Variants in DCAF4L1 observed in about 807,000 individuals in gnomAD.
DCAF4L1 encodes DDB1 and CUL4 associated factor 4 like 1.
DCAF4L1 carries 4 observed loss-of-function variants against 28.2 expected under a neutral mutation model. The observed-to-expected ratio is 0.14, with a 90% CI of 0.07 to 0.33. The LOEUF (loss-of-function observed/expected upper bound fraction) is 0.33. Ranked by LOEUF, DCAF4L1 falls within the 10% of genes least tolerant of loss-of-function variation. The pLI is 1.00. For missense variants in DCAF4L1, 331 were observed against 506.1 expected, an observed-to-expected ratio of 0.65 and a Z score of 3.32; for synonymous variants, 252 against 212.1, an observed-to-expected ratio of 1.19 and a Z score of -1.63.
chr4:41,983,369 C>A lies in DCAF4L1; in HGVS notation c.*386C>A, dbSNP rs569419339. 22 of 177,706 alleles carry A rather than the reference C, an allele frequency of 1.2e-4. No individual in the cohort carries two copies. The highest frequency in any genetic ancestry group is 1.7e-4 in the South Asian group (1 of 5,896). 11.0% of individuals were successfully genotyped at this position (177,706 alleles called of 1,614,324 possible). A position where few individuals can be genotyped will look rare whatever the true frequency, so the allele number is the denominator to read the frequency against. On this transcript the variant is annotated 3_prime_UTR_variant, in exon 1 of 1. Transcript: ENST00000333141. ...CCTTTAGAGAAGCATAATGATGGTA[C>A]TGGTAAGACTGTTTGACTAATCATA...
In DCAF4L1 at chr4:41,985,789, T is replaced by A. The variant is rs1331167313; in HGVS notation, c.*2806T>A. Reference sequence around the variant, plus strand: ...AAGATGCCAAACACAAAAGAGCACATATTGTACAACTAATGCACATAAAGT... The same window carrying A: ...AAGATGCCAAACACAAAAGAGCACAAATTGTACAACTAATGCACATAAAGT... On this transcript the variant is annotated 3_prime_UTR_variant, in exon 1 of 1. Transcript: ENST00000333141. 6.0e-6 allele frequency: 1 copy of A among 167,094 alleles called. No individual in the cohort carries two copies. Among genetic ancestry groups the A allele is most frequent in the Non-Finnish European group, 1.5e-5 (1 of 68,124 alleles). 10.4% of individuals were successfully genotyped at this position (167,094 alleles called of 1,614,324 possible). A position where few individuals can be genotyped will look rare whatever the true frequency, so the allele number is the denominator to read the frequency against.
chr4:41,982,478 C>T lies in DCAF4L1; in HGVS notation c.686C>T (p.Ala229Val). ...QSFDTSSDVL[A>V]QQFASTAPLL... ...TTTGATACCAGCAGTGATGTCTTGG[C>T]CCAGCAGTTTGCTAGTACGGCTCCT... is the stretch of plus-strand genomic sequence containing the variant. Residue 229 changes from alanine to valine, a missense_variant, in exon 1 of 1, where the codon GCC (alanine) becomes GTC (valine). Transcript: ENST00000333141. The surrounding 1 kb of genome is among the most constrained non-coding windows in gnomAD (Gnocchi z 4.4). 5 of 1,614,178 alleles carry T rather than the reference C, an allele frequency of 3.1e-6. No individual in the cohort carries two copies. Among genetic ancestry groups the T allele is most frequent in the Non-Finnish European group, 4.2e-6 (5 of 1,180,032 alleles).
rs1713999604 is a variant in DCAF4L1, at chr4:41,982,050, C to T, written c.258C>T (p.Leu86=). ...FILASTNSDQ[L]FVVNQVEVEG... Reference sequence around the variant, plus strand: ...TGGCGAGTACCAACAGCGACCAGCTCTTCGTAGTGAACCAGGTCGAAGTCG... The same window carrying T: ...TGGCGAGTACCAACAGCGACCAGCTTTTCGTAGTGAACCAGGTCGAAGTCG... The change falls in exon 1 of 1, where the codon CTC becomes CTT. Residue 86 remains leucine, a synonymous_variant. Transcript: ENST00000333141. This position sits in a 1 kb window ranked among gnomAD's most constrained non-coding sequence, Gnocchi z 4.4. 1 of 1,614,258 alleles carries T rather than the reference C, an allele frequency of 6.2e-7. No individual in the cohort carries two copies. Among genetic ancestry groups the T allele is most frequent in the Non-Finnish European group, 8.5e-7 (1 of 1,180,044 alleles).
rs370935678 is a variant in DCAF4L1 at position 41,982,887 on chromosome 4, C to T, written c.1095C>T (p.Ser365=). The T allele has an allele frequency of 3.1e-6, 5 of 1,614,096 alleles. No homozygotes were observed. In the African/African-American group the frequency reaches 6.7e-5, roughly 22 times the overall value. ...PYSASEDDIP[S]VAFASRLGGI... is the part of the protein sequence containing the mutation. Reference sequence around the variant, plus strand: ...CTGCCTCCGAGGACGACATTCCCAGCGTGGCCTTCGCTTCTCGGCTCGGGG... The same window carrying T: ...CTGCCTCCGAGGACGACATTCCCAGTGTGGCCTTCGCTTCTCGGCTCGGGG... Residue 365 remains serine, a synonymous_variant, in exon 1 of 1, where the codon AGC becomes AGT. Transcript: ENST00000333141. This position sits in a 1 kb window ranked among gnomAD's most constrained non-coding sequence, Gnocchi z 4.4.
Position 41,983,091 on chromosome 4 carries a change from GCATCCATCC to G in DCAF4L1, c.*109_*117del. 1.1e-6 allele frequency: 1 copy of G among 948,964 alleles called. No individual in the cohort carries two copies. Among genetic ancestry groups the G allele is most frequent in the East Asian group, 2.6e-5 (1 of 38,026 alleles). The allele number at this position is 948,964 out of a possible 1,614,324, so 58.8% of individuals were successfully genotyped here. A position where few individuals can be genotyped will look rare whatever the true frequency, so the allele number is the denominator to read the frequency against. On this transcript the variant is annotated 3_prime_UTR_variant, in exon 1 of 1. Coordinates refer to ENST00000333141, the MANE Select transcript of DCAF4L1 (RefSeq NM_001029955.4). ...TTAAGAGACGTGTTGTATATAGATC[GCATCCATCC>G]GGCTGCCAGGGGTAAGGTGTTAAGA...
At position 41,984,772 on chromosome 4, in the gene DCAF4L1, CAT is replaced by C. The variant is rs1329775783; in HGVS notation, c.*1791_*1792del. 1 of 166,898 alleles carries C rather than the reference CAT, an allele frequency of 6.0e-6. No individual in the cohort carries two copies. Among genetic ancestry groups the C allele is most frequent in the Non-Finnish European group, 1.5e-5 (1 of 68,098 alleles). The allele number at this position is 166,898 out of a possible 1,614,324, so 10.3% of individuals were successfully genotyped here. The stretch of plus-strand genomic sequence containing the variant: ...GATGGGATAGATGTGCTTTATATGA[CAT>C]AGATGAGGTTAATGTAATTACATAT... On this transcript the variant is annotated 3_prime_UTR_variant, in exon 1 of 1. Transcript: ENST00000333141.
At position 41,982,039 on chromosome 4, in the gene DCAF4L1, A is replaced by G; in HGVS notation, c.247A>G (p.Ser83Gly). Reference sequence around the variant, plus strand: ...TAACTTCATTCTGGCGAGTACCAACAGCGACCAGCTCTTCGTAGTGAACCA... The same window carrying G: ...TAACTTCATTCTGGCGAGTACCAACGGCGACCAGCTCTTCGTAGTGAACCA... ...RFNFILASTN[S>G]DQLFVVNQVE... The change falls in exon 1 of 1, where the codon AGC becomes GGC. Residue 83 changes from serine (S) to glycine (G), a missense_variant. Transcript: ENST00000333141. This position sits in a 1 kb window ranked among gnomAD's most constrained non-coding sequence, Gnocchi z 4.4. 2 of 1,614,234 alleles carry G rather than the reference A, an allele frequency of 1.2e-6. No individual in the cohort carries two copies. The highest frequency in any genetic ancestry group is 2.2e-5 in the South Asian group (2 of 91,090).
In DCAF4L1 at chr4:41,982,871, A is replaced by T. The variant is rs753351994; in HGVS notation, c.1079A>T (p.Glu360Val). The T allele has an allele frequency of 6.2e-7, 1 of 1,614,140 alleles. No homozygotes were observed. The highest frequency in any genetic ancestry group is 8.5e-7 in the Non-Finnish European group (1 of 1,180,030). The change falls in exon 1 of 1, where the codon GAG (glutamate) becomes GTG (valine). Residue 360 changes from glutamate (E) to valine (V), a missense_variant. By Grantham distance (121) the Glu-to-Val change is moderately radical. Coordinates refer to ENST00000333141, the MANE Select transcript of DCAF4L1 (RefSeq NM_001029955.4). The surrounding 1 kb of genome is among the most constrained non-coding windows in gnomAD (Gnocchi z 4.4). ...RTIPSPYSAS[E>V]DDIPSVAFAS... ...ATCCCTTCCCCGTACTCTGCCTCCG[A>T]GGACGACATTCCCAGCGTGGCCTTC...
chr4:41,982,656 A>T lies in DCAF4L1; in HGVS notation c.864A>T (p.Ser288=). 1 of 1,614,260 alleles carries T rather than the reference A, an allele frequency of 6.2e-7. No homozygotes were observed. Among genetic ancestry groups the T allele is most frequent in the South Asian group, 1.1e-5 (1 of 91,090 alleles). The change falls in exon 1 of 1, where the codon TCA becomes TCT. Residue 288 remains serine, a synonymous_variant. Transcript: ENST00000333141. This position sits in a 1 kb window ranked among gnomAD's most constrained non-coding sequence, Gnocchi z 4.4. ...ILQEEQCLMA[S]DMTGKIKLWD... ...AAGAAGAGCAATGCCTGATGGCATC[A>T]GACATGACTGGAAAGATCAAGCTGT...
rs1446697518 is a variant in DCAF4L1 at position 41,984,148 on chromosome 4, CT to C, written c.*1168del. 6.0e-6 allele frequency: 1 copy of C among 165,958 alleles called. No individual in the cohort carries two copies. The highest frequency in any genetic ancestry group is 1.5e-5 in the Non-Finnish European group (1 of 68,086). The allele number at this position is 165,958 out of a possible 1,614,324, so 10.3% of individuals were successfully genotyped here. On this transcript the variant is annotated 3_prime_UTR_variant, in exon 1 of 1. Transcript: ENST00000333141. ...ATGTTTGAGAAGTGACATGGGGAAG[CT>C]TTAGGAATGCTGAGTTTTCTTTATC...
At position 41,985,021 on chromosome 4, in the gene DCAF4L1, A is replaced by G. The variant is rs1714106810; in HGVS notation, c.*2038A>G. 1 of 167,084 alleles carries G rather than the reference A, an allele frequency of 6.0e-6. No homozygotes were observed. Among genetic ancestry groups the G allele is most frequent in the Admixed American group, 6.5e-5 (1 of 15,282 alleles). 10.4% of individuals were successfully genotyped at this position (167,084 alleles called of 1,614,324 possible). ...AGGATATGTATCTTGTCCCTTTTAC[A>G]TTGTAAGCATTCAAAATAAAACAAA... is the stretch of plus-strand genomic sequence containing the variant. On this transcript the variant is annotated 3_prime_UTR_variant, in exon 1 of 1. Transcript: ENST00000333141.
chr4:41,982,411 C>A lies in DCAF4L1; in HGVS notation c.619C>A (p.Gln207Lys), dbSNP rs956323615. The A allele has an allele frequency of 2.5e-6, 4 of 1,614,258 alleles. No individual in the cohort carries two copies. In the East Asian group the frequency reaches 8.9e-5, roughly 36 times the overall value. The change falls in exon 1 of 1, where the codon CAG becomes AAG. Residue 207 changes from glutamine (Q) to lysine (K), a missense_variant. Coordinates refer to ENST00000333141, the MANE Select transcript of DCAF4L1 (RefSeq NM_001029955.4). The surrounding 1 kb of genome is among the most constrained non-coding windows in gnomAD (Gnocchi z 4.4). ...CTGCTTTAGTGCAGGCTTGTCTCAG[C>A]AGGTCCTGTTGACCAGCGTGGCGAC... Reference protein sequence around the residue: ...YHCFSAGLSQQVLLTSVATGH... With the variant: ...YHCFSAGLSQKVLLTSVATGH...
Position 41,982,347 on chromosome 4 carries a change from C to T in DCAF4L1, c.555C>T (p.Ala185=). The part of the protein sequence containing the change: ...GMLCSFQIPE[A]WSCAWSLNTR... ...TCTGCAGTTTCCAGATCCCAGAGGC[C>T]TGGTCCTGTGCGTGGTCCCTCAACA... Residue 185 remains alanine, a synonymous_variant, in exon 1 of 1, where the codon GCC becomes GCT. Coordinates refer to ENST00000333141, the MANE Select transcript of DCAF4L1 (RefSeq NM_001029955.4). The surrounding 1 kb of genome is among the most constrained non-coding windows in gnomAD (Gnocchi z 4.4). 2 of 1,614,212 alleles carry T rather than the reference C, an allele frequency of 1.2e-6. No homozygotes were observed. The highest frequency in any genetic ancestry group is 2.2e-5 in the South Asian group (2 of 91,084).
Position 41,982,075 on chromosome 4 carries a change from G to A in DCAF4L1, c.283G>A (p.Glu95Lys), listed in dbSNP as rs368035048. The A allele has an allele frequency of 3.8e-5, 62 of 1,614,058 alleles. No individual in the cohort carries two copies. In the African/African-American group the frequency reaches 5.3e-4, roughly 14 times the overall value. ...CTTCGTAGTGAACCAGGTCGAAGTC[G>A]AAGGCTCCAAGTACGGCATCATCAG... ...QLFVVNQVEV[E>K]GSKYGIISLR... Residue 95 changes from glutamate (E) to lysine (K), a missense_variant, in exon 1 of 1, where the codon GAA (glutamate) becomes AAA (lysine). By Grantham distance (56) the Glu-to-Lys change is moderately conservative (BLOSUM62 1). Transcript: ENST00000333141. This position sits in a 1 kb window ranked among gnomAD's most constrained non-coding sequence, Gnocchi z 4.4.
At position 41,982,377 on chromosome 4, in the gene DCAF4L1, G is replaced by T; in HGVS notation, c.585G>T (p.Arg195=). The T allele has an allele frequency of 6.2e-7, 1 of 1,614,192 alleles. No individual in the cohort carries two copies. The highest frequency in any genetic ancestry group is 8.5e-7 in the Non-Finnish European group (1 of 1,180,038). The part of the protein sequence containing the change: ...AWSCAWSLNT[R]AYHCFSAGLS... The stretch of plus-strand genomic sequence containing the variant: ...CCTGTGCGTGGTCCCTCAACACCCG[G>T]GCATATCACTGCTTTAGTGCAGGCT... The change falls in exon 1 of 1, where the codon CGG becomes CGT. Residue 195 remains arginine, a synonymous_variant. Coordinates refer to ENST00000333141, the MANE Select transcript of DCAF4L1 (RefSeq NM_001029955.4). This position sits in a 1 kb window ranked among gnomAD's most constrained non-coding sequence, Gnocchi z 4.4.
rs200291372 is a variant in DCAF4L1, at chr4:41,982,725, C to T, written c.933C>T (p.His311=). ...ATKCVRQYEG[H]VNESAYLPLH... ...AATGTGTAAGGCAGTACGAAGGTCA[C>T]GTGAATGAGTCCGCCTATCTGCCCC... Residue 311 remains histidine, a synonymous_variant, in exon 1 of 1, where the codon CAC becomes CAT. Coordinates refer to ENST00000333141, the MANE Select transcript of DCAF4L1 (RefSeq NM_001029955.4). The surrounding 1 kb of genome is among the most constrained non-coding windows in gnomAD (Gnocchi z 4.4). 7 of 1,614,064 alleles carry T rather than the reference C, an allele frequency of 4.3e-6. No homozygotes were observed. Among genetic ancestry groups the T allele is most frequent in the Non-Finnish European group, 5.9e-6 (7 of 1,180,048 alleles).
Position 41,985,819 on chromosome 4 carries a change from A to C in DCAF4L1, c.*2836A>C, listed in dbSNP as rs1164572715. The stretch of plus-strand genomic sequence containing the variant: ...TACAACTAATGCACATAAAGTCCCT[A>C]AACAGGCAAAATGAATCTATGTTCT... On this transcript the variant is annotated 3_prime_UTR_variant, in exon 1 of 1. Transcript: ENST00000333141. The C allele has an allele frequency of 1.8e-5, 3 of 167,124 alleles. No homozygotes were observed. Among genetic ancestry groups the C allele is most frequent in the Admixed American group, 1.3e-4 (2 of 15,284 alleles). The allele number at this position is 167,124 out of a possible 1,614,324, so 10.4% of individuals were successfully genotyped here.
In DCAF4L1 at chr4:41,982,144, A is replaced by C; in HGVS notation, c.352A>C (p.Arg118=). The change falls in exon 1 of 1, where the codon AGA becomes CGA. Residue 118 remains arginine, a synonymous_variant. Coordinates refer to ENST00000333141, the MANE Select transcript of DCAF4L1 (RefSeq NM_001029955.4). The surrounding 1 kb of genome is among the most constrained non-coding windows in gnomAD (Gnocchi z 4.4). The part of the protein sequence containing the change: ...KIPSFHVYVL[R]NLYVPNRKVK... ...CCCTTCGTTCCACGTGTACGTGCTC[A>C]GAAACCTCTACGTCCCCAACCGGAA... 1.9e-6 allele frequency: 3 copies of C among 1,614,268 alleles called. No individual in the cohort carries two copies. Among genetic ancestry groups the C allele is most frequent in the Non-Finnish European group, 2.5e-6 (3 of 1,180,056 alleles).
chr4:41,982,638 G>C lies in DCAF4L1; in HGVS notation c.846G>C (p.Glu282Asp), dbSNP rs748529500. ...AVTSVQILQE[E>D]QCLMASDMTG... ...CCTCTGTGCAAATCCTCCAAGAAGA[G>C]CAATGCCTGATGGCATCAGACATGA... The change falls in exon 1 of 1, where the codon GAG (glutamate) becomes GAC (aspartate). Residue 282 changes from glutamate (E) to aspartate (D), a missense_variant. Transcript: ENST00000333141. The surrounding 1 kb of genome is among the most constrained non-coding windows in gnomAD (Gnocchi z 4.4). 1.5e-5 allele frequency: 25 copies of C among 1,614,138 alleles called. No individual in the cohort carries two copies. Among genetic ancestry groups the C allele is most frequent in the Non-Finnish European group, 2.0e-5 (24 of 1,180,052 alleles).
Sources: allele counts gnomAD v4.1 joint callset, GRCh38; gene constraint gnomAD v4.1.1; non-coding constraint Gnocchi (gnomAD v3.1); transcripts MANE v1.5; gene names NCBI Gene and HGNC (gene_info 2026-07-23, HGNC 2026-07-21).